CLASP1: variants seen among roughly 807,000 people sequenced by gnomAD.
The protein encoded by CLASP1 is CLIP-associating protein 1.
Under a neutral mutation model 192.3 loss-of-function variants are expected in CLASP1, and 38 were observed. The observed-to-expected ratio is 0.20, with a 90% CI of 0.15 to 0.26. CLASP1 has a LOEUF of 0.26. Ranked by LOEUF, CLASP1 falls within the 10% of genes least tolerant of loss-of-function variation. CLASP1 has a pLI of 1.00. For missense variants in CLASP1, 1,433 were observed against 1,932.5 expected (o/e 0.74, Z 4.85); for synonymous variants, 691 against 712.8 (o/e 0.97, Z 0.49).
chr2:121,416,366 C>A lies in CLASP1; in HGVS notation c.2320+2256G>T, dbSNP rs1347432818. ...AAAATGGTCCAAAACAATAAAAATGCAAACTTAAAAATATATATTCACTAG... is the reference window on the plus strand; with the variant it reads ...AAAATGGTCCAAAACAATAAAAATGAAAACTTAAAAATATATATTCACTAG... On this transcript the variant is annotated intron_variant, in intron 23 of 39. Transcript: ENST00000263710. 2.6e-5 allele frequency among the ~76,000 whole-genome samples: 4 copies of A among 152,250 alleles called. No homozygotes were observed. In the East Asian group the frequency reaches 5.8e-4, roughly 22 times the overall value.
At chr2:121,344,651 C>T (rs181994539) in intron 39 of CLASP1, among the ~76,000 whole-genome samples, 1 of 152,116 alleles carries the variant, frequency 6.6e-6, no homozygotes, top group East Asian at 1.9e-4. Context: ...TTCATTTAAG[C>T]AAAAGGAGAG....
chr2:121,441,223 AT>A (rs1451782306), intron 19 of CLASP1, among the ~76,000 whole-genome samples: 1 of 152,168 alleles, frequency 6.6e-6, no homozygotes, highest in African/African-American at 2.4e-5. Flanking sequence ...AAATTCCCAA[AT>A]TACAGATTAT....
At chr2:121,622,881 T>C (rs534157195) in intron 1 of CLASP1, among the ~76,000 whole-genome samples, 2 of 152,226 alleles carry the variant, frequency 1.3e-5, no homozygotes, top group African/African-American at 4.8e-5. Context: ...TCCCTAATTG[T>C]CCCGGCTAGA....
chr2:121,350,657 T>C (rs2064197383), intron 37 of CLASP1, among the ~76,000 whole-genome samples: 1 of 152,198 alleles, frequency 6.6e-6, no homozygotes, highest in Non-Finnish European at 1.5e-5. Context: ...TTTCCAACAC[T>C]AGACAGCTGA....
chr2:121,443,784 T>C (rs889287877), intron 19 of CLASP1, among the ~76,000 whole-genome samples: 1 of 152,160 alleles, frequency 6.6e-6, no homozygotes, highest in Non-Finnish European at 1.5e-5. Context: ...TCCAAGTAAT[T>C]CTCACGATGT....
At chr2:121,517,581 A>G (rs1178430961) in intron 6 of CLASP1, among the ~76,000 whole-genome samples, 1 of 152,122 alleles carries the variant, frequency 6.6e-6, no homozygotes, top group South Asian at 2.1e-4. Flanking sequence ...AGGGCCGAGC[A>G]TGGTGGCTCA....
At chr2:121,469,735 G>A in intron 9 of CLASP1, 73 bp downstream of exon 9, 1 of 1,459,356 alleles carries the variant, frequency 6.9e-7, no homozygotes, top group Admixed American at 2.4e-5. Context: ...GCCACCACAG[G>A]CAAGTACGTG....
At chr2:121,367,595 A>C in exon 35 of CLASP1, 1 of 1,614,068 alleles carries the variant, frequency 6.2e-7, no homozygotes, top group Non-Finnish European at 8.5e-7. Context: ...AACCGTCTCG[A>C]AGCTGCTCCA....
intron 34 of CLASP1, among the ~76,000 whole-genome samples, chr2:121,369,070 C>T (rs1264442614): frequency 1.3e-5 from 2 of 152,212 alleles, no homozygotes; most frequent in East Asian, 3.8e-4. Context: ...AACTGCTGAA[C>T]ACATTCCACT....
intron 2 of CLASP1, among the ~76,000 whole-genome samples, chr2:121,577,446 A>C (rs1401635747): frequency 6.6e-6 from 1 of 152,224 alleles, no homozygotes; most frequent in African/African-American, 2.4e-5. Flanking sequence ...AACTTTTTAC[A>C]CTGAGTAAAA....
chr2:121,476,292 C>G (rs930556768), intron 8 of CLASP1, among the ~76,000 whole-genome samples: 16 of 152,064 alleles, frequency 1.1e-4, no homozygotes, highest in Admixed American at 9.8e-4. Flanking sequence ...CCTAAGAAAG[C>G]CCCAGCAGAG....
At chr2:121,459,025 T>G in intron 12 of CLASP1, 50 bp from the exon 13 acceptor site, 4 of 1,445,680 alleles carry the variant, frequency 2.8e-6, no homozygotes, top group Non-Finnish European at 3.7e-6. Context: ...TTAGAGACAG[T>G]GAAGCATATA....
chr2:121,353,791 C>T (rs577755722), intron 37 of CLASP1, among the ~76,000 whole-genome samples: 26 of 138,388 alleles, frequency 1.9e-4, no homozygotes, highest in Non-Finnish European at 2.5e-4. Context: ...TGCACATGCA[C>T]GCACACACAC....
intron 1 of CLASP1, among the ~76,000 whole-genome samples, chr2:121,631,158 C>CAAAAAAAAAAA (rs869087192): frequency 9.2e-5 from 6 of 65,158 alleles, no homozygotes; most frequent in East Asian, 5.4e-4. Flanking sequence ...GACTCCAGCT[C>CAAAAAAAAAAA]AAAAAAAAAA....
At chr2:121,450,586 A>C (rs1312875388) in intron 16 of CLASP1, among the ~76,000 whole-genome samples, 1 of 152,218 alleles carries the variant, frequency 6.6e-6, no homozygotes, top group Middle Eastern at 3.2e-3. Context: ...GTAAATCATT[A>C]AAGCAGCTTT....
intron 2 of CLASP1, among the ~76,000 whole-genome samples, chr2:121,571,978 A>AG (rs1432593955): frequency 2.6e-5 from 4 of 152,136 alleles, no homozygotes; most frequent in Admixed American, 1.3e-4. Context: ...CAAAAAAAAA[A>AG]AGAGAGAGGA....
intron 2 of CLASP1, among the ~76,000 whole-genome samples, chr2:121,596,146 C>T (rs995730512): frequency 2.6e-5 from 4 of 152,174 alleles, no homozygotes; most frequent in African/African-American, 9.7e-5. Context: ...ACATCAAGGA[C>T]ACCATTTTTA....
chr2:121,558,907 CT>C (rs1234931754), intron 2 of CLASP1, among the ~76,000 whole-genome samples: 1 of 152,164 alleles, frequency 6.6e-6, no homozygotes, highest in African/African-American at 2.4e-5. Context: ...TAAGAATGAC[CT>C]TGCAAACTGA....
chr2:121,435,046 C>T (rs540239912), intron 19 of CLASP1, among the ~76,000 whole-genome samples: 1 of 149,648 alleles, frequency 6.7e-6, no homozygotes, highest in East Asian at 2.0e-4. Flanking sequence ...TTGGGCTGGG[C>T]GTGGTGGCTC....
Sources: allele counts gnomAD v4.1 joint callset (sites outside exome capture counted in the v4.1 genomes callset), GRCh38; gene constraint gnomAD v4.1.1; transcripts MANE v1.5; gene names NCBI Gene and HGNC (gene_info 2026-07-23, HGNC 2026-07-21).